GPR149: variants seen among roughly 807,000 people sequenced by gnomAD.
The protein encoded by GPR149 is probable G protein-coupled receptor 149.
Under a neutral mutation model 50.2 loss-of-function variants are expected in GPR149, and 50 were observed. That is an observed-to-expected ratio of 1.00 (90% CI 0.79 to 1.26). The LOEUF (loss-of-function observed/expected upper bound fraction) is 1.26. GPR149 is among the 50% of genes most tolerant of loss of function. The pLI is 0.00. For missense variants in GPR149, 983 were observed against 895.4 expected, an observed-to-expected ratio of 1.10 and a Z score of -1.25; for synonymous variants, 405 against 358.2, an observed-to-expected ratio of 1.13 and a Z score of -1.48.
intron 3 of GPR149, among the ~76,000 whole-genome samples, chr3:154,351,853 A>G (rs1163463001): frequency 1.3e-5 from 2 of 152,230 alleles, no homozygotes; most frequent in East Asian, 3.8e-4. Context: ...TAGCTGTATA[A>G]AATGAAGAAC....
At position 154,359,771 on chromosome 3, in the gene GPR149, T is replaced by C. The variant is rs181186522; in HGVS notation, c.1624-21500A>G. ...ATCTTATCCCATAACACCCATAGTG[T>C]TTTTGCTCCTTGGACTAAACCTTAA... is the stretch of plus-strand genomic sequence containing the variant. On this transcript the variant is annotated intron_variant, in intron 3 of 3. Transcript: ENST00000389740. Among the ~76,000 whole-genome samples, 322 of 152,298 alleles carry C rather than the reference T, an allele frequency of 2.1e-3. 1 individual carries two copies. The highest frequency in any genetic ancestry group is 0.013 in the Admixed American group (196 of 15,284).
intron 3 of GPR149, among the ~76,000 whole-genome samples, chr3:154,356,794 C>T (rs1362001647): frequency 1.3e-5 from 2 of 152,114 alleles, no homozygotes; most frequent in Non-Finnish European, 2.9e-5. Context: ...CCCCATCAAG[C>T]TACCAATGAC....
chr3:154,358,874 T>G (rs1340847306), intron 3 of GPR149, among the ~76,000 whole-genome samples: 1 of 152,116 alleles, frequency 6.6e-6, no homozygotes, highest in Non-Finnish European at 1.5e-5. Flanking sequence ...CATGGGTGTT[T>G]GTATATATAA....
intron 3 of GPR149, among the ~76,000 whole-genome samples, chr3:154,365,123 C>T (rs1391636268): frequency 1.3e-5 from 2 of 152,166 alleles, no homozygotes; most frequent in Non-Finnish European, 2.9e-5. Context: ...GTAGCAATAC[C>T]TCCACAGCTT....
chr3:154,378,715 C>T (rs1371903634), intron 3 of GPR149, among the ~76,000 whole-genome samples: 1 of 152,208 alleles, frequency 6.6e-6, no homozygotes, highest in East Asian at 1.9e-4. Flanking sequence ...TTTTTAACCT[C>T]ACCAACACTT....
At chr3:154,378,895 G>C (rs1714856624) in intron 3 of GPR149, among the ~76,000 whole-genome samples, 1 of 152,000 alleles carries the variant, frequency 6.6e-6, no homozygotes, top group Non-Finnish European at 1.5e-5. Flanking sequence ...TTAAAAACTG[G>C]CTAAATTAGG....
chr3:154,362,150 G>A (rs185968976), intron 3 of GPR149, among the ~76,000 whole-genome samples: 8 of 152,056 alleles, frequency 5.3e-5, no homozygotes, highest in East Asian at 1.9e-4. Flanking sequence ...TTAGCCGGGC[G>A]TGGTGGCGGG....
Position 154,421,117 on chromosome 3 carries a change from C to A in GPR149, c.1545G>T (p.Leu515=). Residue 515 remains leucine (L), a synonymous_variant, in exon 3 of 4, where the codon CTG becomes CTT. Transcript: ENST00000389740. ...CTGGTTTCTGACTCTCTTCATGAGA[C>A]AGTCTTCTTTCTGGCCCTTCAGAAA... ...TTFSEGPERR[L]SHEESQKPDL... is the part of the protein sequence containing the mutation. 2.5e-6 allele frequency: 4 copies of A among 1,613,286 alleles called. No homozygotes were observed. In the South Asian group the frequency reaches 4.4e-5, roughly 18 times the overall value.
rs759029524 is a variant in GPR149 at position 154,398,224 on chromosome 3, G to T, written c.1623+22815C>A. Among the ~76,000 whole-genome samples, 158 of 152,180 alleles carry T rather than the reference G, an allele frequency of 1.0e-3. 1 individual carries two copies. Among genetic ancestry groups the T allele is most frequent in the Non-Finnish European group, 2.0e-3 (134 of 68,002 alleles). ...TTCCCTGACTATCTAGAAAGAGGGT[G>T]AAATTAGTCAATGCATGTGAAAGTT... is the stretch of plus-strand genomic sequence containing the variant. On this transcript the variant is annotated intron_variant, in intron 3 of 3. Transcript: ENST00000389740.
chr3:154,368,568 T>C (rs1478287039), intron 3 of GPR149, among the ~76,000 whole-genome samples: 1 of 152,200 alleles, frequency 6.6e-6, no homozygotes, highest in African/African-American at 2.4e-5. Context: ...CTGTGGTGCA[T>C]GGGTACAGCT....
At chr3:154,373,023 G>A (rs1714702691) in intron 3 of GPR149, among the ~76,000 whole-genome samples, 1 of 152,074 alleles carries the variant, frequency 6.6e-6, no homozygotes, top group Non-Finnish European at 1.5e-5. Context: ...ATGGTGCTCA[G>A]GAGATATTTT....
intron 3 of GPR149, among the ~76,000 whole-genome samples, chr3:154,402,312 G>A (rs979179397): frequency 2.0e-5 from 3 of 151,848 alleles, no homozygotes; most frequent in African/African-American, 7.3e-5. Context: ...CAATACTTAC[G>A]AGGCTAAGGC....
intron 3 of GPR149, among the ~76,000 whole-genome samples, chr3:154,386,724 A>G (rs1715052101): frequency 6.6e-6 from 1 of 152,210 alleles, no homozygotes; most frequent in Non-Finnish European, 1.5e-5. Context: ...ACAAAAGATT[A>G]AGGACAAAAA....
rs1168287524 is a variant in GPR149 at position 154,345,609 on chromosome 3, C to G, written c.1624-7338G>C. ...AGGAGAAGACAGCATGCCATGTAAA[C>G]ACACTAGCACACATAATCTCCTGTG... On this transcript the variant is annotated intron_variant, in intron 3 of 3. Coordinates refer to ENST00000389740, the MANE Select transcript of GPR149 (RefSeq NM_001038705.3). 3.9e-5 allele frequency among the ~76,000 whole-genome samples: 6 copies of G among 152,152 alleles called. 1 individual carries two copies. Among genetic ancestry groups the G allele is most frequent in the Admixed American group, 3.9e-4 (6 of 15,268 alleles).
chr3:154,420,479 C>T (rs111867446), intron 3 of GPR149, among the ~76,000 whole-genome samples: 6 of 151,966 alleles, frequency 3.9e-5, no homozygotes, highest in African/African-American at 1.2e-4. Flanking sequence ...ATGGAACATT[C>T]GTAAGGGCTT....
At chr3:154,356,176 C>T (rs969666192) in intron 3 of GPR149, among the ~76,000 whole-genome samples, 43 of 152,172 alleles carry the variant, frequency 2.8e-4, no homozygotes, top group Non-Finnish European at 4.6e-4. Context: ...CATTCACTTG[C>T]TCACTTGAAG....
chr3:154,360,632 A>T (rs1364614089), intron 3 of GPR149, among the ~76,000 whole-genome samples: 1 of 152,214 alleles, frequency 6.6e-6, no homozygotes. Flanking sequence ...CAATTTATTC[A>T]TTCACTATAT....
intron 3 of GPR149, among the ~76,000 whole-genome samples, chr3:154,400,262 A>G (rs972986315): frequency 4.6e-5 from 7 of 152,210 alleles, no homozygotes; most frequent in African/African-American, 1.4e-4. Flanking sequence ...CTGGGATTAC[A>G]GGGGTGAGCC....
At chr3:154,405,942 G>T (rs1439261041) in intron 3 of GPR149, among the ~76,000 whole-genome samples, 1 of 151,656 alleles carries the variant, frequency 6.6e-6, no homozygotes, top group Non-Finnish European at 1.5e-5. Context: ...ACAAAAAATT[G>T]TGCATGGTAA....
Sources: allele counts gnomAD v4.1 joint callset (sites outside exome capture counted in the v4.1 genomes callset), GRCh38; gene constraint gnomAD v4.1.1; transcripts MANE v1.5; gene names NCBI Gene and HGNC (gene_info 2026-07-23, HGNC 2026-07-21).